Variants in SPAG5 observed in about 807,000 individuals in gnomAD.
SPAG5 encodes the protein sperm associated antigen 5.
SPAG5 carries 99 observed loss-of-function variants against 145.4 expected under a neutral mutation model. That is an observed-to-expected ratio of 0.68 (90% CI 0.58 to 0.80). SPAG5 has a LOEUF of 0.80. SPAG5 is among the 30% of genes least tolerant of loss of function. The pLI is 0.00. For synonymous variants in SPAG5, 477 were observed against 525.4 expected (o/e 0.91, Z 1.26); for missense variants, 1,192 against 1,416.0 (o/e 0.84, Z 2.54).
intron 23 of SPAG5, 108 bp from the exon 24 acceptor site, chr17:28,577,878 G>A (rs1026035719): frequency 5.7e-6 from 7 of 1,218,946 alleles, no homozygotes; most frequent in East Asian, 4.7e-5. Flanking sequence ...AGACACCACA[G>A]AGAAGCCTGC....
At chr17:28,596,988 G>A (rs2070669701) in intron 2 of SPAG5, among the ~76,000 whole-genome samples, 2 of 151,950 alleles carry the variant, frequency 1.3e-5, no homozygotes, top group Non-Finnish European at 2.9e-5. Context: ...GCCGGAGGCT[G>A]AGACAGAAGA....
intron 4 of SPAG5, among the ~76,000 whole-genome samples, chr17:28,589,229 G>C (rs908473565): frequency 6.6e-6 from 1 of 151,818 alleles, no homozygotes; most frequent in African/African-American, 2.4e-5. Flanking sequence ...CTCCCAAGTA[G>C]CTGGAATTAC....
intron 2 of SPAG5, among the ~76,000 whole-genome samples, chr17:28,594,622 A>G (rs1056621355): frequency 6.6e-6 from 1 of 152,112 alleles, no homozygotes; most frequent in African/African-American, 2.4e-5. Context: ...ATAATCAAAC[A>G]TATGAAATTT....
chr17:28,578,070 G>A lies in SPAG5; in HGVS notation c.3450C>T (p.Asn1150=). Residue 1150 remains asparagine (N), a synonymous_variant, in exon 23 of 24, where the codon AAC becomes AAT. Coordinates refer to ENST00000321765, the MANE Select transcript of SPAG5 (RefSeq NM_006461.4). ...CTAACTCCTTGTCAGAGCGCCGAAG[G>A]TTCTCCTCTAGGATATTTCTCTAGA... ...FQSHRNILEE[N]LRRSDKELEK... 1.9e-6 allele frequency: 3 copies of A among 1,614,070 alleles called. No homozygotes were observed. Among genetic ancestry groups the A allele is most frequent in the Non-Finnish European group, 2.5e-6 (3 of 1,179,942 alleles).
In SPAG5 at chr17:28,584,753, G is replaced by T. The variant is rs2070572934; in HGVS notation, c.2068-8C>A. The stretch of plus-strand genomic sequence containing the variant: ...TTCCAGCACCCTAGAAACCTAGGAA[G>T]AACAGATGGTTTTCCTCCTATAGTT... On this transcript the variant is annotated splice_region_variant and splice_polypyrimidine_tract_variant and intron_variant, in intron 10 of 23. Coordinates refer to ENST00000321765, the MANE Select transcript of SPAG5 (RefSeq NM_006461.4). 10 of 1,598,520 alleles carry T rather than the reference G, an allele frequency of 6.3e-6. No homozygotes were observed. The South Asian group carries it at 7.7e-5, about 12-fold the overall frequency.
At position 28,579,389 on chromosome 17, in the gene SPAG5, G is replaced by T; in HGVS notation, c.2981C>A (p.Ala994Asp). ...CATTTTTCGCTGCAGAGTCCTGATG[G>T]CTTCTTCTTTAGACTCTTGTAGCAG... ...CSLLQESKEE[A>D]IRTLQRKICE... Residue 994 changes from alanine to aspartate, a missense_variant, in exon 18 of 24, where the codon GCC (alanine) becomes GAC (aspartate). Around this residue, in one of 5 missense-constraint regions of SPAG5, gnomAD observed 709 missense variants for 840.7 expected, o/e 0.84. Transcript: ENST00000321765. The T allele has an allele frequency of 6.2e-7, 1 of 1,614,156 alleles. No homozygotes were observed. The highest frequency in any genetic ancestry group is 8.5e-7 in the Non-Finnish European group (1 of 1,180,020).
chr17:28,581,010 C>A (rs2070546167), intron 15 of SPAG5, among the ~76,000 whole-genome samples: 2 of 152,182 alleles, frequency 1.3e-5, no homozygotes. Context: ...ATAGGGAACA[C>A]CCTATCAAAA....
At chr17:28,590,541 T>C (rs1174340410) in intron 4 of SPAG5, among the ~76,000 whole-genome samples, 5 of 152,052 alleles carry the variant, frequency 3.3e-5, no homozygotes, top group Non-Finnish European at 5.9e-5. Flanking sequence ...CTCCTTTCCA[T>C]TCTGACAGAT....
In SPAG5 at chr17:28,583,835, G is replaced by C; in HGVS notation, c.2546+18C>G. On this transcript the variant is annotated intron_variant, in intron 14 of 23. Transcript: ENST00000321765. The stretch of plus-strand genomic sequence containing the variant: ...AAATAAGCACTTAGGGGGAAGTACA[G>C]AAAGTTAGAGAACTTACGTTAGGTT... 2 of 1,598,160 alleles carry C rather than the reference G, an allele frequency of 1.3e-6. No individual in the cohort carries two copies. The highest frequency in any genetic ancestry group is 1.7e-6 in the Non-Finnish European group (2 of 1,168,844).
chr17:28,583,715 C>T lies in SPAG5; in HGVS notation c.2547-66G>A, dbSNP rs1049097960. 7.1e-6 allele frequency: 11 copies of T among 1,547,482 alleles called. No homozygotes were observed. The Admixed American group carries it at 1.2e-4, about 17-fold the overall frequency. On this transcript the variant is annotated intron_variant, in intron 14 of 23. Transcript: ENST00000321765. Reference sequence around the variant, plus strand: ...CCTTCTCTGAACGCCTATCCCAAATCCCCACAGAGCTGCATTAAAGGAGAG... The same window carrying T: ...CCTTCTCTGAACGCCTATCCCAAATTCCCACAGAGCTGCATTAAAGGAGAG...
chr17:28,586,233 A>G (rs2151521065), intron 5 of SPAG5, 51 bp from the exon 6 acceptor site: 1 of 1,484,014 alleles, frequency 6.7e-7, no homozygotes, highest in South Asian at 1.1e-5. Flanking sequence ...ACTAAGCAGG[A>G]AACAGGGGCA....
intron 2 of SPAG5, among the ~76,000 whole-genome samples, chr17:28,597,376 C>T (rs959117455): frequency 1.3e-5 from 2 of 152,204 alleles, no homozygotes; most frequent in Admixed American, 6.5e-5. Context: ...CAAGATCACG[C>T]CACTGCACTC....
chr17:28,591,648 T>C (rs1404492389), intron 4 of SPAG5, 50 bp downstream of exon 4: 2 of 1,522,042 alleles, frequency 1.3e-6, no homozygotes, highest in South Asian at 2.4e-5. Flanking sequence ...CAGCTTAAAT[T>C]CCAAGGATCC....
Position 28,591,786 on chromosome 17 carries a change from C to A in SPAG5, c.1349G>T (p.Arg450Leu), listed in dbSNP as rs201338229. 7.5e-5 allele frequency: 121 copies of A among 1,613,914 alleles called. No homozygotes were observed. Among genetic ancestry groups the A allele is most frequent in the Middle Eastern group, 3.3e-4 (2 of 6,084 alleles). ...SSLVILEVLSRQLRDWKSQLA... is the reference protein window; with the variant it reads ...SSLVILEVLSLQLRDWKSQLA... The stretch of plus-strand genomic sequence containing the variant: ...CTGGCTCTTCCAGTCCCGAAGCTGG[C>A]GGGAGAGAACCTCCAGAATGACAAG... Residue 450 changes from arginine (R) to leucine (L), a missense_variant, in exon 4 of 24, where the codon CGC becomes CTC. By Grantham distance (102) the Arg-to-Leu change is moderately radical (BLOSUM62 -2). Transcript: ENST00000321765.
chr17:28,597,192 G>A (rs1000204971), intron 2 of SPAG5, among the ~76,000 whole-genome samples: 10 of 151,570 alleles, frequency 6.6e-5, no homozygotes, highest in Admixed American at 4.6e-4. Context: ...CGAGGCGGGC[G>A]GACCACTTGA....
chr17:28,598,975 C>T lies in SPAG5; in HGVS notation c.-29G>A. 1 of 1,611,942 alleles carries T rather than the reference C, an allele frequency of 6.2e-7. No individual in the cohort carries two copies. Among genetic ancestry groups the T allele is most frequent in the Non-Finnish European group, 8.5e-7 (1 of 1,178,096 alleles). The stretch of plus-strand genomic sequence containing the variant: ...CAACCAGAAGGCAGGCCTATCACGT[C>T]TCAGACCAAGTCGAGGACGCCATGT... On this transcript the variant is annotated 5_prime_UTR_variant, in exon 1 of 24. Coordinates refer to ENST00000321765, the MANE Select transcript of SPAG5 (RefSeq NM_006461.4).
In SPAG5 at chr17:28,585,522, C is replaced by A; in HGVS notation, c.1860+12G>T. On this transcript the variant is annotated intron_variant, in intron 8 of 23. Transcript: ENST00000321765. ...AGCACAGACCCCAGGAAAGAAAATG[C>A]CCTTAAATTACCAGTTGGGTCTGGG... 1 of 1,613,966 alleles carries A rather than the reference C, an allele frequency of 6.2e-7. No homozygotes were observed. The highest frequency in any genetic ancestry group is 8.5e-7 in the Non-Finnish European group (1 of 1,180,030).
intron 2 of SPAG5, among the ~76,000 whole-genome samples, chr17:28,596,773 TATG>T (rs2070667986): frequency 6.6e-6 from 1 of 152,194 alleles, no homozygotes; most frequent in Admixed American, 6.5e-5. Flanking sequence ...TACTGTCTAA[TATG>T]ATAGCCACTA....
At chr17:28,579,031 A>C (rs1330673996) in intron 19 of SPAG5, 110 bp downstream of exon 19, 1 of 910,076 alleles carries the variant, frequency 1.1e-6, no homozygotes, top group Non-Finnish European at 1.7e-6. Context: ...AAACTAGGGC[A>C]GTGGTTGGAA....
Sources: gnomAD v4.1 joint callset for allele counts (sites outside exome capture counted in the v4.1 genomes callset) on GRCh38, gnomAD v4.1.1 for gene constraint, gnomAD v4.1.1 regional missense constraint, MANE v1.5 for transcripts, NCBI Gene and HGNC (gene_info 2026-07-23, HGNC 2026-07-21) for gene names.